The following KIF26B variants were observed in gnomAD, a reference collection of about 807,000 sequenced individuals.
KIF26B encodes the protein kinesin-like protein KIF26B.
A neutral mutation model predicts 151.2 loss-of-function variants in KIF26B; 63 were observed. The observed-to-expected ratio is 0.42, with a 90% CI of 0.34 to 0.51. KIF26B has a LOEUF of 0.51. Ranked by LOEUF, KIF26B falls within the 20% of genes least tolerant of loss-of-function variation. KIF26B has a pLI of 0.07. For synonymous variants in KIF26B, 1,357 were observed against 1,262.1 expected (o/e 1.08, Z -1.59); for missense variants, 2,813 against 2,913.6 (o/e 0.97, Z 0.79).
chr1:245,606,057 T>C lies in KIF26B; in HGVS notation c.1558-1594T>C, dbSNP rs2043449917. On this transcript the variant is annotated intron_variant, in intron 6 of 14. Coordinates refer to ENST00000407071, the MANE Select transcript of KIF26B (RefSeq NM_018012.4). This position sits in a 1 kb window ranked among gnomAD's most constrained non-coding sequence, Gnocchi z 4.6. ...GCTCTGCAGACACGCCTCTGGCAAA[T>C]TCCATCAAGACGCTACTGCTTCTGT... Among the ~76,000 whole-genome samples the C allele has an allele frequency of 6.6e-6, 1 of 152,134 alleles. No homozygotes were observed. The highest frequency in any genetic ancestry group is 1.5e-5 in the Non-Finnish European group (1 of 68,024).
At chr1:245,525,956 G>T (rs1661229367) in intron 4 of KIF26B, among the ~76,000 whole-genome samples, 1 of 152,034 alleles carries the variant, frequency 6.6e-6, no homozygotes, top group Non-Finnish European at 1.5e-5. Flanking sequence ...TTTAACCTAG[G>T]ATTCTAATAA....
At chr1:245,522,608 C>T (rs1661153307) in intron 4 of KIF26B, among the ~76,000 whole-genome samples, 1 of 152,180 alleles carries the variant, frequency 6.6e-6, no homozygotes, top group African/African-American at 2.4e-5. Flanking sequence ...CAGGAGATTT[C>T]CCTGACAGCT....
At chr1:245,309,557 T>C (rs1671624566) in intron 2 of KIF26B, among the ~76,000 whole-genome samples, 1 of 151,986 alleles carries the variant, frequency 6.6e-6, no homozygotes, top group South Asian at 2.1e-4. Flanking sequence ...TGATAGTCTC[T>C]CTTGGGTCGC....
At chr1:245,220,424 G>A (rs71533437) in intron 2 of KIF26B, among the ~76,000 whole-genome samples, 3 of 37,600 alleles carry the variant, frequency 8.0e-5, no homozygotes, top group Admixed American at 4.5e-4. Context: ...CAGGGTCCAG[G>A]GTCCAGGGTC....
At chr1:245,233,808 T>C (rs1478238933) in intron 2 of KIF26B, among the ~76,000 whole-genome samples, 1 of 152,026 alleles carries the variant, frequency 6.6e-6, no homozygotes, top group African/African-American at 2.4e-5. Context: ...TGGTGTTCAG[T>C]AGAGTGCCCA....
chr1:245,340,293 C>A (rs906997494), intron 2 of KIF26B, among the ~76,000 whole-genome samples: 3 of 152,080 alleles, frequency 2.0e-5, no homozygotes, highest in African/African-American at 7.2e-5. Context: ...CCTATAATAC[C>A]TAATACAATA....
chr1:245,357,927 T>C (rs1201761202), intron 2 of KIF26B, among the ~76,000 whole-genome samples: 1 of 152,118 alleles, frequency 6.6e-6, no homozygotes, highest in Non-Finnish European at 1.5e-5. Flanking sequence ...TTTTTTCTTT[T>C]TTGTGTTGAG....
chr1:245,335,015 G>T (rs776260219), intron 2 of KIF26B, among the ~76,000 whole-genome samples: 5 of 152,164 alleles, frequency 3.3e-5, no homozygotes, highest in Non-Finnish European at 7.3e-5. Flanking sequence ...TGTTCCGCTG[G>T]GGCTGTGATT....
In KIF26B at chr1:245,662,639, CACACACACACATCCAATACATACATAT is replaced by C. The variant is rs1460476555; in HGVS notation, c.2258+16362_2258+16388del. ...ATATATACACACCCAGTGATATATA[CACACACACACATCCAATACATACATAT>C]ACCCAATGATACATATATATACAAT... is the stretch of plus-strand genomic sequence containing the variant. On this transcript the variant is annotated intron_variant, in intron 10 of 14. Coordinates refer to ENST00000407071, the MANE Select transcript of KIF26B (RefSeq NM_018012.4). Among the ~76,000 whole-genome samples the C allele has an allele frequency of 5.0e-3, 193 of 38,944 alleles. 4 individuals are homozygous for C. The highest frequency in any genetic ancestry group is 0.013 in the South Asian group (32 of 2,534). 25.5% of individuals were successfully genotyped at this position (38,944 alleles called of 152,430 possible).
intron 3 of KIF26B, among the ~76,000 whole-genome samples, chr1:245,415,812 A>G (rs1312971064): frequency 2.7e-5 from 4 of 148,904 alleles, no homozygotes; most frequent in South Asian, 2.1e-4. Flanking sequence ...TTTGCCTGAC[A>G]TATACCAAGC....
chr1:245,211,922 G>A (rs1252239380), intron 2 of KIF26B, among the ~76,000 whole-genome samples: 2 of 152,142 alleles, frequency 1.3e-5, no homozygotes, highest in East Asian at 1.9e-4. Flanking sequence ...CTGCACCCAC[G>A]GCAGTGGGCT....
intron 12 of KIF26B, among the ~76,000 whole-genome samples, chr1:245,693,225 A>C (rs1381814190): frequency 2.0e-5 from 3 of 152,142 alleles, no homozygotes; most frequent in Non-Finnish European, 2.9e-5. Context: ...CACCACAGGG[A>C]GGCTCAGCAC....
intron 5 of KIF26B, among the ~76,000 whole-genome samples, chr1:245,557,541 T>C (rs1329441698): frequency 6.6e-6 from 1 of 152,200 alleles, no homozygotes; most frequent in Non-Finnish European, 1.5e-5. Flanking sequence ...AAGTGGGGTA[T>C]GAGGCCCGGT....
chr1:245,585,257 T>A (rs2043212525), intron 5 of KIF26B, among the ~76,000 whole-genome samples: 1 of 152,152 alleles, frequency 6.6e-6, no homozygotes, highest in African/African-American at 2.4e-5. Context: ...AAAATAAGAG[T>A]TTTCCTTTGT....
intron 2 of KIF26B, among the ~76,000 whole-genome samples, chr1:245,302,422 ATT>A (rs1402319962): frequency 6.6e-6 from 1 of 152,224 alleles, no homozygotes; most frequent in Non-Finnish European, 1.5e-5. Flanking sequence ...GTCCAAATGC[ATT>A]GAGTCATGTG....
intron 10 of KIF26B, among the ~76,000 whole-genome samples, chr1:245,672,173 G>A (rs936548933): frequency 7.2e-5 from 11 of 152,152 alleles, no homozygotes; most frequent in African/African-American, 2.7e-4. Flanking sequence ...CCATCTCGGG[G>A]AATAACAGTC....
chr1:245,472,965 A>G (rs1216278104), intron 4 of KIF26B, among the ~76,000 whole-genome samples: 3 of 152,228 alleles, frequency 2.0e-5, no homozygotes, highest in Admixed American at 6.5e-5. Flanking sequence ...GTTGAGATGA[A>G]AATCACCAAG....
intron 2 of KIF26B, among the ~76,000 whole-genome samples, chr1:245,237,460 G>T (rs879602402): frequency 6.6e-6 from 1 of 152,068 alleles, no homozygotes; most frequent in Non-Finnish European, 1.5e-5. Flanking sequence ...CCTTGGGTGG[G>T]TGATGGTCCC....
intron 10 of KIF26B, among the ~76,000 whole-genome samples, chr1:245,677,965 C>A (rs73125140): frequency 6.6e-6 from 1 of 152,156 alleles, no homozygotes; most frequent in African/African-American, 2.4e-5. Context: ...TAAGGAACTG[C>A]GGAGATGCTG....
Sources: gnomAD v4.1 joint callset for allele counts (sites outside exome capture counted in the v4.1 genomes callset) on GRCh38, gnomAD v4.1.1 for gene constraint, Gnocchi (gnomAD v3.1) non-coding constraint, MANE v1.5 for transcripts, NCBI Gene and HGNC (gene_info 2026-07-23, HGNC 2026-07-21) for gene names.